Variants in SMU1 observed in about 807,000 individuals in gnomAD.
SMU1 encodes SMU1 DNA replication regulator and spliceosomal factor, also known as WD40 repeat-containing protein SMU1.
SMU1 carries 2 observed loss-of-function variants against 62.0 expected under a neutral mutation model. The ratio of observed to expected loss-of-function variants is 0.03; its 90% confidence interval spans 0.01 to 0.10. The LOEUF (loss-of-function observed/expected upper bound fraction) is 0.10. Among genes scored for constraint, SMU1 ranks in the 10% least tolerant of loss-of-function variants. The pLI is 1.00. For missense variants in SMU1, 227 were observed against 622.1 expected, an observed-to-expected ratio of 0.36 and a Z score of 6.76; for synonymous variants, 188 against 212.4, an observed-to-expected ratio of 0.89 and a Z score of 1.00.
chr9:33,076,522 C>A lies in SMU1; in HGVS notation c.26+61G>T, dbSNP rs555229496. 30 of 1,603,412 alleles carry A rather than the reference C, an allele frequency of 1.9e-5. No individual in the cohort carries two copies. In the Admixed American group the frequency reaches 3.0e-4, roughly 16 times the overall value. The stretch of plus-strand genomic sequence containing the variant: ...GATGCCTTCTCCCGAGTACCCTCCG[C>A]CCCACACCCTTAACCTCCAGGCCCC... On this transcript the variant is annotated intron_variant, in intron 1 of 11. Coordinates refer to ENST00000397149, the MANE Select transcript of SMU1 (RefSeq NM_018225.3).
intron 9 of SMU1, among the ~76,000 whole-genome samples, chr9:33,053,998 CA>C (rs1564020662): frequency 6.6e-6 from 1 of 152,164 alleles, no homozygotes; most frequent in African/African-American, 2.4e-5. Flanking sequence ...CAAAACCAAA[CA>C]GGGGGTCGGC....
rs779693126 is a variant in SMU1 at position 33,076,628 on chromosome 9, C to G, written c.-20G>C. ...CGACATAGCCGTATCTCTCCGGGAGCAGGCCCCAGCTCTCCCTCAAGGCCA... is the reference window on the plus strand; with the variant it reads ...CGACATAGCCGTATCTCTCCGGGAGGAGGCCCCAGCTCTCCCTCAAGGCCA... On this transcript the variant is annotated 5_prime_UTR_variant, in exon 1 of 12. Coordinates refer to ENST00000397149, the MANE Select transcript of SMU1 (RefSeq NM_018225.3). The G allele has an allele frequency of 6.8e-6, 11 of 1,613,712 alleles. No homozygotes were observed. Among genetic ancestry groups the G allele is most frequent in the Admixed American group, 5.0e-5 (3 of 60,004 alleles).
Position 33,062,175 on chromosome 9 carries a change from T to A in SMU1, c.504A>T (p.Ala168=). 1 of 1,610,156 alleles carries A rather than the reference T, an allele frequency of 6.2e-7. No individual in the cohort carries two copies. ...PSRLMALLGQ[A]LKWQQHQGLL... Reference sequence around the variant, plus strand: ...ATCCCTGATGCTGCTGCCACTTCAGTGCCTATGAGGAAAAAAAAAAATATA... The same window carrying A: ...ATCCCTGATGCTGCTGCCACTTCAGAGCCTATGAGGAAAAAAAAAAATATA... Residue 168 remains alanine, a splice_region_variant and synonymous_variant, in exon 5 of 12, where the codon GCA becomes GCT. Transcript: ENST00000397149.
chr9:33,066,123 C>G (rs1311914169), intron 4 of SMU1, among the ~76,000 whole-genome samples: 1 of 152,110 alleles, frequency 6.6e-6, no homozygotes, highest in African/African-American at 2.4e-5. Flanking sequence ...TTCTCAAACT[C>G]CTCTTTCCAA....
chr9:33,048,813 G>A (rs1839213451), intron 10 of SMU1, among the ~76,000 whole-genome samples: 1 of 152,166 alleles, frequency 6.6e-6, no homozygotes, highest in African/African-American at 2.4e-5. Flanking sequence ...ATGGAAAACA[G>A]ATCAGTGGTT....
At chr9:33,074,287 A>AC (rs1298705951) in intron 1 of SMU1, among the ~76,000 whole-genome samples, 1 of 151,912 alleles carries the variant, frequency 6.6e-6, no homozygotes, top group East Asian at 1.9e-4. Context: ...CAGCTGTGAG[A>AC]CCCCATCTCT....
chr9:33,057,757 C>A (rs1350127068), intron 6 of SMU1, 43 bp from the exon 7 acceptor site: 1 of 1,609,438 alleles, frequency 6.2e-7, no homozygotes. Flanking sequence ...AACACAAAGC[C>A]AAGACCCCAG....
chr9:33,065,164 C>T (rs1382355868), intron 4 of SMU1, among the ~76,000 whole-genome samples: 2 of 152,238 alleles, frequency 1.3e-5, no homozygotes, highest in Non-Finnish European at 2.9e-5. Flanking sequence ...TCCAGATTCA[C>T]AGATCCAAGG....
At chr9:33,055,327 C>T (rs998135091) in intron 9 of SMU1, among the ~76,000 whole-genome samples, 3 of 152,078 alleles carry the variant, frequency 2.0e-5, no homozygotes, top group Non-Finnish European at 4.4e-5. Flanking sequence ...CAGGTATACG[C>T]CACCACCCCT....
At chr9:33,059,965 C>G (rs564316645) in intron 6 of SMU1, among the ~76,000 whole-genome samples, 1 of 152,036 alleles carries the variant, frequency 6.6e-6, no homozygotes, top group South Asian at 2.1e-4. Context: ...AATTACAGAT[C>G]ATAAAGGTCC....
At chr9:33,057,295 A>T (rs1227714643) in intron 7 of SMU1, among the ~76,000 whole-genome samples, 1 of 151,328 alleles carries the variant, frequency 6.6e-6, no homozygotes, top group South Asian at 2.1e-4. Flanking sequence ...CCATCCCCTT[A>T]AAAAAAAAGT....
intron 2 of SMU1, among the ~76,000 whole-genome samples, chr9:33,072,528 A>G (rs1839497876): frequency 6.6e-6 from 1 of 152,212 alleles, no homozygotes; most frequent in South Asian, 2.1e-4. Context: ...TTGAACTCAT[A>G]CGGATTGTAA....
rs112461292 is a variant in SMU1, at chr9:33,051,046, A to C, written c.1290+2077T>G. ...TGAGGCAGGAGAATGGCGTGAACCC[A>C]GGAGGCGGAGCTTGCAGTGAGCCGA... On this transcript the variant is annotated intron_variant, in intron 10 of 11. Transcript: ENST00000397149. Among the ~76,000 whole-genome samples, 6 of 95,886 alleles carry C rather than the reference A, an allele frequency of 6.3e-5. 1 individual carries two copies. The highest frequency in any genetic ancestry group is 2.3e-4 in the African/African-American group (6 of 26,524). 62.9% of individuals were successfully genotyped at this position (95,886 alleles called of 152,430 possible).
intron 1 of SMU1, among the ~76,000 whole-genome samples, chr9:33,074,143 TGACTA>T (rs1315127968): frequency 1.3e-5 from 2 of 152,192 alleles, no homozygotes; most frequent in African/African-American, 4.8e-5. Flanking sequence ...ATACTTTAAA[TGACTA>T]GACTAGTTAT....
In SMU1 at chr9:33,043,933, A is replaced by C. The variant is rs188619940; in HGVS notation, c.*3360T>G. On this transcript the variant is annotated 3_prime_UTR_variant, in exon 12 of 12. Coordinates refer to ENST00000397149, the MANE Select transcript of SMU1 (RefSeq NM_018225.3). ...TAGTGGTAGTAATAATACATGCTGA[A>C]AAAAAACAACTGGTGAAGAAGATAC... is the stretch of plus-strand genomic sequence containing the variant. 6.6e-6 allele frequency: 1 copy of C among 152,020 alleles called. No homozygotes were observed. Among genetic ancestry groups the C allele is most frequent in the Non-Finnish European group, 1.5e-5 (1 of 67,938 alleles). The allele number at this position is 152,020 out of a possible 1,614,324, so 9.4% of individuals were successfully genotyped here. A position where few individuals can be genotyped will look rare whatever the true frequency, so the allele number is the denominator to read the frequency against.
At position 33,053,021 on chromosome 9, in the gene SMU1, A is replaced by T; in HGVS notation, c.1290+102T>A. The T allele has an allele frequency of 3.0e-6, 3 of 1,010,174 alleles. No individual in the cohort carries two copies. The East Asian group carries it at 7.2e-5, about 24-fold the overall frequency. 62.6% of individuals were successfully genotyped at this position (1,010,174 alleles called of 1,614,324 possible). Reference sequence around the variant, plus strand: ...TACAGCTTAAACGGTTTACAGAGAAATGAACCCAAATTTGGTTATTGGGAG... The same window carrying T: ...TACAGCTTAAACGGTTTACAGAGAATTGAACCCAAATTTGGTTATTGGGAG... On this transcript the variant is annotated intron_variant, in intron 10 of 11. Transcript: ENST00000397149.
chr9:33,074,479 G>A (rs548167508), intron 1 of SMU1, among the ~76,000 whole-genome samples: 64 of 152,172 alleles, frequency 4.2e-4, no homozygotes, highest in African/African-American at 1.4e-3. Flanking sequence ...GCATGATAGT[G>A]TGTGCTTGTG....
chr9:33,053,356 T>C (rs1283637116), intron 9 of SMU1, 66 bp from the exon 10 acceptor site: 1 of 1,430,718 alleles, frequency 7.0e-7, no homozygotes. Flanking sequence ...TTTTAGGGTT[T>C]AAAATATTAA....
rs1335755144 is a variant in SMU1 at position 33,048,203 on chromosome 9, G to A, written c.1346C>T (p.Ala449Val). Reference sequence around the variant, plus strand: ...GATCCATTCACCACGGGGAGAGAGGGCACAGCAAACAAAGTCCCCACCTTC... The same window carrying A: ...GATCCATTCACCACGGGGAGAGAGGACACAGCAAACAAAGTCCCCACCTTC... ...KREGGDFVCC[A>V]LSPRGEWIYC... is the part of the protein sequence containing the mutation. Residue 449 changes from alanine (A) to valine (V), a missense_variant, in exon 11 of 12, where the codon GCC becomes GTC. Physicochemically the swap from Ala to Val is moderately conservative, Grantham distance 64 (BLOSUM62 0). Around this residue, in one of 5 missense-constraint regions of SMU1, gnomAD observed 25 missense variants for 116.2 expected, o/e 0.22. Coordinates refer to ENST00000397149, the MANE Select transcript of SMU1 (RefSeq NM_018225.3). The A allele has an allele frequency of 6.2e-7, 1 of 1,613,998 alleles. No homozygotes were observed. The highest frequency in any genetic ancestry group is 1.3e-5 in the African/African-American group (1 of 74,894).
Sources: allele counts gnomAD v4.1 joint callset (sites outside exome capture counted in the v4.1 genomes callset), GRCh38; gene constraint gnomAD v4.1.1; regional missense constraint gnomAD v4.1.1; transcripts MANE v1.5; gene names NCBI Gene and HGNC (gene_info 2026-07-23, HGNC 2026-07-21).